The following PIWIL1 variants were observed in gnomAD, a reference collection of about 807,000 sequenced individuals.
PIWIL1 encodes piwi like RNA-mediated gene silencing 1, also known as piwi-like protein 1.
PIWIL1 carries 73 observed loss-of-function variants against 114.4 expected under a neutral mutation model. The ratio of observed to expected loss-of-function variants is 0.64; its 90% CI spans 0.53 to 0.78. PIWIL1 has a LOEUF of 0.78. PIWIL1 is among the 30% of genes least tolerant of loss of function. The pLI is 0.00. For synonymous variants in PIWIL1, 375 were observed against 369.0 expected (o/e 1.02, Z -0.19); for missense variants, 723 against 1,063.1 (o/e 0.68, Z 4.45).
At chr12:130,370,108 T>G (rs1023871535) in intron 19 of PIWIL1, among the ~76,000 whole-genome samples, 17 of 152,200 alleles carry the variant, frequency 1.1e-4, no homozygotes, top group African/African-American at 4.1e-4. Context: ...CTATACCATC[T>G]GTTGTAGATC....
At chr12:130,405,687 T>TG in the PIWIL1 span, among the ~76,000 whole-genome samples, 4 of 113,032 alleles carry the variant, frequency 3.5e-5, no homozygotes, top group South Asian at 3.2e-4. Context: ...GGGGGCGGGG[T>TG]GGGGGGTTCC....
At chr12:130,421,724 T>TG in the PIWIL1 span, among the ~76,000 whole-genome samples, 39 of 151,484 alleles carry the variant, frequency 2.6e-4, no homozygotes, top group East Asian at 6.0e-3. Context: ...TGTGTGTGTG[T>TG]TTTCATAGAA....
chr12:130,387,923 T>C, the PIWIL1 span, among the ~76,000 whole-genome samples: 4 of 152,270 alleles, frequency 2.6e-5, no homozygotes, highest in African/African-American at 9.6e-5. Flanking sequence ...TTCTGTGTTT[T>C]AAAACTTTTG....
rs1053363818 is a variant in PIWIL1, at chr12:130,342,659, G to T, written c.68G>T (p.Gly23Val). Residue 23 changes from glycine to valine, a missense_variant, in exon 2 of 21, where the codon GGC (glycine) becomes GTC (valine). Gly to Val is a moderately radical substitution (Grantham distance 109). This residue lies in a region of PIWIL1 where 91 missense variants were observed against 76.2 expected (regional missense o/e 1.19). Transcript: ENST00000245255. ...ARGQETAQLV[G>V]STASQQPGYI... ...GGTCAGGAGACAGCGCAGCTGGTGGGCTCCACTGCCGTGAGTGCTTCACCG... is the reference window on the plus strand; with the variant it reads ...GGTCAGGAGACAGCGCAGCTGGTGGTCTCCACTGCCGTGAGTGCTTCACCG... 6.2e-7 allele frequency: 1 copy of T among 1,612,216 alleles called. No homozygotes were observed. Among genetic ancestry groups the T allele is most frequent in the Admixed American group, 1.7e-5 (1 of 60,008 alleles).
At chr12:130,361,683 GT>G (rs2073513529) in intron 16 of PIWIL1, 82 bp downstream of exon 16, 3 of 1,053,202 alleles carry the variant, frequency 2.8e-6, no homozygotes, top group Non-Finnish European at 4.3e-6. Context: ...TTCATTCTTC[GT>G]TGTTATCCTT....
chr12:130,357,687 G>GT, intron 14 of PIWIL1, 134 bp downstream of exon 14: 1 of 635,678 alleles, frequency 1.6e-6, no homozygotes, highest in South Asian at 1.9e-5. Flanking sequence ...AATATGTTTT[G>GT]TAACCATAAA....
At chr12:130,376,496 G>C (rs1211289416), downstream of PIWIL1, among the ~76,000 whole-genome samples, 2 of 152,164 alleles carry the variant, frequency 1.3e-5, no homozygotes, top group Admixed American at 1.3e-4. Context: ...GACCGCATTT[G>C]ACAACCTCTG....
the PIWIL1 span, among the ~76,000 whole-genome samples, chr12:130,418,822 C>T: frequency 1.8e-4 from 27 of 152,260 alleles, no homozygotes; most frequent in African/African-American, 6.5e-4. Flanking sequence ...ATCTTTGTGT[C>T]TTCAAGTCCA....
At chr12:130,373,960 A>G (rs1202571159), downstream of PIWIL1, among the ~76,000 whole-genome samples, 2 of 152,124 alleles carry the variant, frequency 1.3e-5, no homozygotes, top group Admixed American at 6.5e-5. Context: ...CAAAAGCTTT[A>G]GTGTTAAACA....
the PIWIL1 span, among the ~76,000 whole-genome samples, chr12:130,418,966 G>A: frequency 6.6e-6 from 1 of 152,178 alleles, no homozygotes; most frequent in African/African-American, 2.4e-5. Context: ...CGTTGTTTTG[G>A]GGGGAAGACA....
At chr12:130,422,912 C>G in the PIWIL1 span, among the ~76,000 whole-genome samples, 1 of 152,164 alleles carries the variant, frequency 6.6e-6, no homozygotes, top group Non-Finnish European at 1.5e-5. The surrounding 1 kb of genome is among the most constrained non-coding windows in gnomAD (Gnocchi z 5.2). Flanking sequence ...GCACCTGAGT[C>G]CCTCTTAGTC....
At position 130,346,602 on chromosome 12, in the gene PIWIL1, A is replaced by C; in HGVS notation, c.531+18A>C. On this transcript the variant is annotated intron_variant, in intron 5 of 20. Coordinates refer to ENST00000245255, the MANE Select transcript of PIWIL1 (RefSeq NM_004764.5). The stretch of plus-strand genomic sequence containing the variant: ...AGCAAAAGGTTATTTGGGAAAAGGG[A>C]GATGGGGGATTTCCACTTCAAAGCA... 6.3e-7 allele frequency: 1 copy of C among 1,581,566 alleles called. No individual in the cohort carries two copies. The highest frequency in any genetic ancestry group is 8.7e-7 in the Non-Finnish European group (1 of 1,151,554).
At chr12:130,425,950 C>T in the PIWIL1 span, 13 of 152,370 alleles carry the variant, frequency 8.5e-5, no homozygotes, top group African/African-American at 3.1e-4. Context: ...GGTGAGGAGG[C>T]ATCGGGGCAC....
At chr12:130,393,171 G>T in the PIWIL1 span, among the ~76,000 whole-genome samples, 1 of 149,970 alleles carries the variant, frequency 6.7e-6, no homozygotes, top group Non-Finnish European at 1.5e-5. Context: ...GTGTCCGTCA[G>T]TTACCTGGTG....
the PIWIL1 span, among the ~76,000 whole-genome samples, chr12:130,393,098 G>A: frequency 5.2e-4 from 51 of 97,488 alleles, no homozygotes; most frequent in African/African-American, 2.2e-3. Context: ...CCGTCATCAC[G>A]TGTGTCCGTC....
At chr12:130,422,592 T>C in the PIWIL1 span, 1 of 1,497,086 alleles carries the variant, frequency 6.7e-7, no homozygotes, top group South Asian at 1.2e-5. This position sits in a 1 kb window ranked among gnomAD's most constrained non-coding sequence, Gnocchi z 5.2. Context: ...AAGTCGTAAG[T>C]CTCGCCAGCA....
At chr12:130,412,432 G>A in the PIWIL1 span, among the ~76,000 whole-genome samples, 1 of 152,214 alleles carries the variant, frequency 6.6e-6, no homozygotes, top group East Asian at 1.9e-4. Flanking sequence ...GCACACAGGA[G>A]ACTACTGGCA....
chr12:130,402,751 G>T, the PIWIL1 span, among the ~76,000 whole-genome samples: 1 of 152,288 alleles, frequency 6.6e-6, no homozygotes, highest in Middle Eastern at 3.4e-3. Flanking sequence ...AGTTTTCTCT[G>T]TGCCCCAGTC....
the PIWIL1 span, among the ~76,000 whole-genome samples, chr12:130,401,772 C>G: frequency 3.3e-5 from 5 of 152,136 alleles, no homozygotes; most frequent in Admixed American, 3.3e-4. Flanking sequence ...CAAGTCCCCC[C>G]TCATTAGGTC....
Sources: allele counts gnomAD v4.1 joint callset (sites outside exome capture counted in the v4.1 genomes callset), GRCh38; gene constraint gnomAD v4.1.1; regional missense constraint gnomAD v4.1.1; non-coding constraint Gnocchi (gnomAD v3.1); transcripts MANE v1.5; gene names NCBI Gene and HGNC (gene_info 2026-07-23, HGNC 2026-07-21).